Variants in XKR6 observed in about 807,000 individuals in gnomAD.
XKR6 encodes the protein XK-related protein 6.
XKR6 carries 22 observed loss-of-function variants against 56.7 expected under a neutral mutation model. That is an observed-to-expected ratio of 0.39 (90% CI 0.28 to 0.55). The LOEUF (loss-of-function observed/expected upper bound fraction) is 0.55, where lower values mean the gene tolerates loss of function less well. XKR6 is among the 20% of genes least tolerant of loss of function. The probability of loss-of-function intolerance (pLI) is 0.66; values close to 1 mark genes in which losing one functional copy is unlikely to be tolerated. For synonymous variants in XKR6, 524 were observed against 387.8 expected (o/e 1.35, Z -4.13); for missense variants, 852 against 889.0 (o/e 0.96, Z 0.53).
chr8:10,971,537 C>G (rs182406764), intron 1 of XKR6, among the ~76,000 whole-genome samples: 1 of 152,248 alleles, frequency 6.6e-6, no homozygotes, highest in African/African-American at 2.4e-5. Context: ...AGAGGGATCA[C>G]AGAACATGAA....
chr8:11,081,955 G>A (rs1299234562), intron 1 of XKR6, among the ~76,000 whole-genome samples: 1 of 152,194 alleles, frequency 6.6e-6, no homozygotes, highest in Non-Finnish European at 1.5e-5. Flanking sequence ...TCACGGTTCT[G>A]TTCCCACTGG....
chr8:11,197,574 C>T (rs983725442), intron 1 of XKR6, among the ~76,000 whole-genome samples: 4 of 152,174 alleles, frequency 2.6e-5, no homozygotes, highest in Admixed American at 2.0e-4. Context: ...AAAAATAAAG[C>T]ACATCAAGCT....
At position 11,141,033 on chromosome 8, in the gene XKR6, T is replaced by G. The variant is rs573707092; in HGVS notation, c.764+59543A>C. On this transcript the variant is annotated intron_variant, in intron 1 of 2. Coordinates refer to ENST00000416569, the MANE Select transcript of XKR6 (RefSeq NM_173683.4). ...TACACAGTTACTTGCAGAATCAAGT[T>G]AAAATGAGAGTTAAGAGGCAGAGAT... Among the ~76,000 whole-genome samples the G allele has an allele frequency of 2.6e-5, 4 of 152,142 alleles. No individual in the cohort carries two copies. In the South Asian group the frequency reaches 8.3e-4, roughly 32 times the overall value.
Position 11,155,263 on chromosome 8 carries a change from G to T in XKR6, c.764+45313C>A, listed in dbSNP as rs981657448. ...TTTAAATGGCACTATTTAACATTTG[G>T]GCAGATTGGATTCCTTGCCTTATTA... On this transcript the variant is annotated intron_variant, in intron 1 of 2. Coordinates refer to ENST00000416569, the MANE Select transcript of XKR6 (RefSeq NM_173683.4). Among the ~76,000 whole-genome samples the T allele has an allele frequency of 2.6e-5, 4 of 152,196 alleles. No individual in the cohort carries two copies. In the South Asian group the frequency reaches 6.2e-4, roughly 24 times the overall value.
intron 1 of XKR6, among the ~76,000 whole-genome samples, chr8:11,140,964 A>G (rs1370299071): frequency 6.6e-6 from 1 of 151,290 alleles, no homozygotes; most frequent in East Asian, 1.9e-4. Flanking sequence ...AATCAACATC[A>G]CTCCAAAGAC....
intron 1 of XKR6, among the ~76,000 whole-genome samples, chr8:10,956,148 C>T (rs781045765): frequency 1.1e-4 from 16 of 151,916 alleles, no homozygotes; most frequent in Non-Finnish European, 1.5e-5. Context: ...CTCCTGGGGG[C>T]CAGTGCTGCC....
chr8:10,963,236 G>A (rs1409507684), intron 1 of XKR6, among the ~76,000 whole-genome samples: 1 of 152,236 alleles, frequency 6.6e-6, no homozygotes, highest in Non-Finnish European at 1.5e-5. Flanking sequence ...GCAGCTGTCG[G>A]CTCTGACTGG....
chr8:11,194,067 G>A (rs1314873603), intron 1 of XKR6, among the ~76,000 whole-genome samples: 1 of 152,112 alleles, frequency 6.6e-6, no homozygotes, highest in African/African-American at 2.4e-5. Context: ...AACAATCCAT[G>A]GCAGGACTTA....
intron 1 of XKR6, among the ~76,000 whole-genome samples, chr8:10,991,342 G>T (rs1253591131): frequency 6.6e-6 from 1 of 152,158 alleles, no homozygotes; most frequent in Non-Finnish European, 1.5e-5. Flanking sequence ...AGTTCTCAGC[G>T]TTCAAAGCTT....
At chr8:10,946,965 C>T (rs915118906) in intron 1 of XKR6, among the ~76,000 whole-genome samples, 3 of 152,058 alleles carry the variant, frequency 2.0e-5, no homozygotes, top group Admixed American at 6.5e-5. Flanking sequence ...CCCAGGTTTG[C>T]GTGGGGACAG....
intron 1 of XKR6, among the ~76,000 whole-genome samples, chr8:11,073,013 G>A (rs1171167510): frequency 1.3e-5 from 2 of 151,086 alleles, no homozygotes; most frequent in Non-Finnish European, 2.9e-5. Context: ...TCGCGCCTCT[G>A]TACTCCAGCC....
At chr8:11,130,697 T>C (rs1002358079) in intron 1 of XKR6, among the ~76,000 whole-genome samples, 1 of 151,650 alleles carries the variant, frequency 6.6e-6, no homozygotes, top group Non-Finnish European at 1.5e-5. Flanking sequence ...CAGACAAAGG[T>C]ACAGATTGTG....
intron 2 of XKR6, among the ~76,000 whole-genome samples, chr8:10,920,546 C>A (rs1028575110): frequency 2.0e-5 from 3 of 152,236 alleles, no homozygotes; most frequent in African/African-American, 7.2e-5. Flanking sequence ...TCCAAGTCCA[C>A]ACATTTTCTC....
At chr8:11,184,104 G>A (rs959368665) in intron 1 of XKR6, among the ~76,000 whole-genome samples, 4 of 152,122 alleles carry the variant, frequency 2.6e-5, no homozygotes, top group African/African-American at 9.7e-5. Context: ...CATACATAGT[G>A]TATATTTGAC....
chr8:10,921,139 T>G (rs1800696755), intron 2 of XKR6, among the ~76,000 whole-genome samples: 1 of 152,230 alleles, frequency 6.6e-6, no homozygotes, highest in Non-Finnish European at 1.5e-5. Context: ...TGAGAGGACA[T>G]TTAGGAAGCA....
At chr8:11,114,220 G>A (rs1407588851) in intron 1 of XKR6, 1 of 292,984 alleles carries the variant, frequency 3.4e-6, no homozygotes, top group Non-Finnish European at 6.6e-6. Flanking sequence ...TTTCTACACA[G>A]AGAATCACAA....
intron 1 of XKR6, among the ~76,000 whole-genome samples, chr8:10,952,966 G>A (rs542563732): frequency 3.3e-5 from 5 of 152,246 alleles, no homozygotes; most frequent in African/African-American, 7.2e-5. Flanking sequence ...CTGTGCCTGC[G>A]AGGGATCTAG....
At chr8:10,994,726 C>T (rs1798071271) in intron 1 of XKR6, among the ~76,000 whole-genome samples, 1 of 152,172 alleles carries the variant, frequency 6.6e-6, no homozygotes, top group Non-Finnish European at 1.5e-5. Context: ...AAAAAATACC[C>T]ATTTTATCGA....
intron 1 of XKR6, among the ~76,000 whole-genome samples, chr8:11,153,611 T>G (rs944229519): frequency 6.6e-6 from 1 of 152,226 alleles, no homozygotes; most frequent in Non-Finnish European, 1.5e-5. Context: ...TTTAAATGAG[T>G]TGCAATATAC....
Sources: allele counts gnomAD v4.1 joint callset (sites outside exome capture counted in the v4.1 genomes callset), GRCh38; gene constraint gnomAD v4.1.1; transcripts MANE v1.5; gene names NCBI Gene and HGNC (gene_info 2026-07-23, HGNC 2026-07-21).